BRK1: variants seen among roughly 807,000 people sequenced by gnomAD.
BRK1 encodes the protein protein BRICK1.
BRK1 carries 6 observed loss-of-function variants against 9.9 expected under a neutral mutation model. The observed-to-expected ratio is 0.60, with a 90% CI of 0.33 to 1.19. The LOEUF is 1.19. Ranked by LOEUF, BRK1 falls within the 50% of genes most tolerant of loss-of-function variation. The pLI is 0.04. For synonymous variants in BRK1, 44 were observed against 31.9 expected (o/e 1.38, Z -1.28); for missense variants, 62 against 97.5 (o/e 0.64, Z 1.53).
chr3:10,121,960 ACT>A (rs1166299947), intron 1 of BRK1, among the ~76,000 whole-genome samples: 15 of 134,934 alleles, frequency 1.1e-4, no homozygotes, highest in African/African-American at 4.0e-4. Context: ...TGCAGTCTTG[ACT>A]CTCTGCAACC....
At chr3:10,122,544 C>T (rs1218783888) in intron 1 of BRK1, among the ~76,000 whole-genome samples, 1 of 151,126 alleles carries the variant, frequency 6.6e-6, no homozygotes, top group African/African-American at 2.4e-5. Flanking sequence ...CCATATCTAC[C>T]AAAACAAAAA....
intron 1 of BRK1, among the ~76,000 whole-genome samples, chr3:10,119,627 C>T (rs868755226): frequency 3.3e-5 from 5 of 152,038 alleles, no homozygotes; most frequent in African/African-American, 1.2e-4. Flanking sequence ...CCTTGTGATT[C>T]CTGCTGGTGA....
At chr3:10,120,395 A>T (rs938303889) in intron 1 of BRK1, among the ~76,000 whole-genome samples, 2 of 152,022 alleles carry the variant, frequency 1.3e-5, no homozygotes, top group Non-Finnish European at 2.9e-5. Flanking sequence ...GGGTTTTGCC[A>T]TGTTAGCCAG....
chr3:10,122,743 G>A (rs930814963), intron 1 of BRK1, among the ~76,000 whole-genome samples: 4 of 151,964 alleles, frequency 2.6e-5, no homozygotes, highest in South Asian at 2.1e-4. Flanking sequence ...AAATTCATCC[G>A]TAAATGTTTA....
chr3:10,120,839 C>T (rs1429502129), intron 1 of BRK1, among the ~76,000 whole-genome samples: 1 of 152,148 alleles, frequency 6.6e-6, no homozygotes, highest in East Asian at 1.9e-4. Context: ...AACAGAATAG[C>T]CACCCAGGAA....
intron 1 of BRK1, among the ~76,000 whole-genome samples, chr3:10,121,563 A>C (rs907720016): frequency 6.6e-6 from 1 of 152,020 alleles, no homozygotes; most frequent in East Asian, 1.9e-4. Flanking sequence ...TTTTCAGTCA[A>C]CATCTATGTA....
intron 1 of BRK1, among the ~76,000 whole-genome samples, chr3:10,119,283 C>T (rs1009425884): frequency 1.3e-5 from 2 of 151,984 alleles, no homozygotes; most frequent in Non-Finnish European, 2.9e-5. Context: ...ATGGCGAAAC[C>T]CCATCTCTAT....
intron 1 of BRK1, among the ~76,000 whole-genome samples, chr3:10,119,430 C>T (rs1314528223): frequency 1.3e-5 from 2 of 152,130 alleles, no homozygotes; most frequent in Non-Finnish European, 2.9e-5. Flanking sequence ...TGTACTCCAG[C>T]CTGGGTGACA....
At position 10,125,720 on chromosome 3, in the gene BRK1, G is replaced by A; in HGVS notation, c.201+12G>A. 1 of 1,576,702 alleles carries A rather than the reference G, an allele frequency of 6.3e-7. No homozygotes were observed. The highest frequency in any genetic ancestry group is 8.7e-7 in the Non-Finnish European group (1 of 1,151,112). On this transcript the variant is annotated intron_variant, in intron 2 of 2. Coordinates refer to ENST00000530758, the MANE Select transcript of BRK1 (RefSeq NM_018462.5). Reference sequence around the variant, plus strand: ...ACATTGAAGCTCGGGTGAGTTTGATGGGCAAGGGCATTCCAGAGAGAATGC... The same window carrying A: ...ACATTGAAGCTCGGGTGAGTTTGATAGGCAAGGGCATTCCAGAGAGAATGC...
rs745993527 is a variant in BRK1, at chr3:10,126,364, C to T, written c.*69C>T. On this transcript the variant is annotated 3_prime_UTR_variant, in exon 3 of 3. Transcript: ENST00000530758. ...GGCCACATGGGAAAGGCCCCAGCAG[C>T]CTTCAGCTCCTTCCTTTCTCCTTAA... 2.1e-4 allele frequency: 268 copies of T among 1,301,942 alleles called. No individual in the cohort carries two copies. The highest frequency in any genetic ancestry group is 2.7e-4 in the Non-Finnish European group (253 of 935,642). 80.6% of individuals were successfully genotyped at this position (1,301,942 alleles called of 1,614,324 possible). A position where few individuals can be genotyped will look rare whatever the true frequency, so the allele number is the denominator to read the frequency against.
chr3:10,118,758 GA>G (rs975681833), intron 1 of BRK1, among the ~76,000 whole-genome samples: 1 of 152,028 alleles, frequency 6.6e-6, no homozygotes, highest in African/African-American at 2.4e-5. Context: ...AAAGTGCTGG[GA>G]TTACAGGCAT....
intron 1 of BRK1, among the ~76,000 whole-genome samples, chr3:10,118,290 C>T (rs1427106120): frequency 6.7e-6 from 1 of 150,242 alleles, no homozygotes; most frequent in African/African-American, 2.5e-5. Context: ...TATCACAATG[C>T]AAGAGTTTAG....
Position 10,125,705 on chromosome 3 carries a change from T to C in BRK1, c.198T>C (p.Ala66=). ...ALERRIEYIE[A]RVTKGETLT ...AACGGAGAATAGAGTACATTGAAGC[T>C]CGGGTGAGTTTGATGGGCAAGGGCA... Residue 66 remains alanine, a synonymous_variant, in exon 2 of 3, where the codon GCT becomes GCC. Transcript: ENST00000530758. The C allele has an allele frequency of 3.1e-6, 5 of 1,609,690 alleles. No individual in the cohort carries two copies. The highest frequency in any genetic ancestry group is 4.5e-5 in the East Asian group (2 of 44,834).
At chr3:10,122,265 G>T (rs965026511) in intron 1 of BRK1, among the ~76,000 whole-genome samples, 1 of 151,892 alleles carries the variant, frequency 6.6e-6, no homozygotes, top group African/African-American at 2.4e-5. Context: ...TCATTAATAC[G>T]CTATATCAAA....
rs1005010584 is a variant in BRK1 at position 10,127,175 on chromosome 3, A to G, written c.*880A>G. The stretch of plus-strand genomic sequence containing the variant: ...GGCATGTTAAACTCCAATAAAACAT[A>G]CAGCATTGAATCAGACATGATGCTT... On this transcript the variant is annotated 3_prime_UTR_variant, in exon 3 of 3. Transcript: ENST00000530758. The G allele has an allele frequency of 2.0e-5, 3 of 152,260 alleles. No homozygotes were observed. Among genetic ancestry groups the G allele is most frequent in the African/African-American group, 7.2e-5 (3 of 41,474 alleles). The allele number at this position is 152,260 out of a possible 1,614,324, so 9.4% of individuals were successfully genotyped here. A position where few individuals can be genotyped will look rare whatever the true frequency, so the allele number is the denominator to read the frequency against.
At chr3:10,126,203 T>A in intron 2 of BRK1, 66 bp from the exon 3 acceptor site, 1 of 1,042,912 alleles carries the variant, frequency 9.6e-7, no homozygotes. Context: ...GATCTAAAGA[T>A]TTTTTTTTAG....
intron 1 of BRK1, 61 bp downstream of exon 1, chr3:10,115,880 G>A (rs1695678068): frequency 1.5e-6 from 2 of 1,358,716 alleles, no homozygotes; most frequent in Admixed American, 1.7e-5. Context: ...TTGGGCTGGG[G>A]CGCCGGGGAG....
intron 1 of BRK1, among the ~76,000 whole-genome samples, chr3:10,116,433 G>T (rs181999529): frequency 6.6e-6 from 1 of 152,180 alleles, no homozygotes; most frequent in Non-Finnish European, 1.5e-5. Context: ...TATAGCTTAT[G>T]GTAGGTGTTC....
intron 1 of BRK1, among the ~76,000 whole-genome samples, chr3:10,122,204 T>G (rs1241000085): frequency 6.6e-6 from 1 of 152,144 alleles, no homozygotes; most frequent in Non-Finnish European, 1.5e-5. Flanking sequence ...ATTACAGGCA[T>G]GAGCCACCGC....
Sources: allele counts gnomAD v4.1 joint callset (sites outside exome capture counted in the v4.1 genomes callset), GRCh38; gene constraint gnomAD v4.1.1; transcripts MANE v1.5; gene names NCBI Gene and HGNC (gene_info 2026-07-23, HGNC 2026-07-21).